The following RPGRIP1L variants were observed in gnomAD, a reference collection of about 807,000 sequenced individuals.
RPGRIP1L encodes RPGRIP1 like, also known as protein fantom.
Under a neutral mutation model 160.4 loss-of-function variants are expected in RPGRIP1L, and 131 were observed. The ratio of observed to expected loss-of-function variants is 0.82; its 90% CI spans 0.71 to 0.94. The LOEUF (loss-of-function observed/expected upper bound fraction) is 0.94, where lower values mean the gene tolerates loss of function less well. Ranked by LOEUF, RPGRIP1L falls within the 40% of genes least tolerant of loss-of-function variation. The pLI is 0.00. For missense variants in RPGRIP1L, 1,522 were observed against 1,535.8 expected, an observed-to-expected ratio of 0.99 and a Z score of 0.15; for synonymous variants, 510 against 515.8, an observed-to-expected ratio of 0.99 and a Z score of 0.15.
chr16:53,694,128 G>A (rs78796530), intron 3 of RPGRIP1L: 7,744 of 152,142 alleles, frequency 0.051, 394 homozygotes, highest in East Asian at 0.3. Context: ...CAAAGTCTGA[G>A]TGCTTATTTA....
At chr16:53,691,774 T>C (rs1970399234) in intron 4 of RPGRIP1L, among the ~76,000 whole-genome samples, 1 of 152,216 alleles carries the variant, frequency 6.6e-6, no homozygotes, top group Non-Finnish European at 1.5e-5. Flanking sequence ...CCCACCTGCC[T>C]GAGTACAGTG....
intron 3 of RPGRIP1L, among the ~76,000 whole-genome samples, chr16:53,693,086 A>T (rs1970496214): frequency 6.6e-6 from 1 of 152,228 alleles, no homozygotes; most frequent in Non-Finnish European, 1.5e-5. Context: ...AGAACAAAAG[A>T]CAGAAAGGGC....
chr16:53,675,060 T>C lies in RPGRIP1L; in HGVS notation c.839A>G (p.Asn280Ser), dbSNP rs1468162484. 6 of 1,611,458 alleles carry C rather than the reference T, an allele frequency of 3.7e-6. No individual in the cohort carries two copies. Among genetic ancestry groups the C allele is most frequent in the Non-Finnish European group, 5.1e-6 (6 of 1,178,798 alleles). ...TTTTCCTTCCATTGCTGAAAGAGCA[T>C]TGCTTTTCTCTACTAGCTGTTTATG... ...KLHKQLVEKS[N>S]ALSAMEGKFI... is the part of the protein sequence containing the mutation. The change falls in exon 7 of 27, where the codon AAT becomes AGT. Residue 280 changes from asparagine (N) to serine (S), a missense_variant. Physicochemically the swap from Asn to Ser is conservative, Grantham distance 46. Coordinates refer to ENST00000647211, the MANE Select transcript of RPGRIP1L (RefSeq NM_015272.5).
At chr16:53,606,951 G>T (rs984078523) in intron 25 of RPGRIP1L, among the ~76,000 whole-genome samples, 1 of 151,986 alleles carries the variant, frequency 6.6e-6, no homozygotes, top group African/African-American at 2.4e-5. Context: ...AATCCTTTAG[G>T]TCAAAATCAA....
intron 6 of RPGRIP1L, among the ~76,000 whole-genome samples, chr16:53,684,846 A>C (rs1176642083): frequency 6.6e-6 from 1 of 152,178 alleles, no homozygotes; most frequent in Admixed American, 6.5e-5. Flanking sequence ...TTGCAGCAAA[A>C]GCAAAATTGA....
intron 22 of RPGRIP1L, among the ~76,000 whole-genome samples, chr16:53,633,245 C>A (rs181727981): frequency 2.0e-5 from 3 of 152,276 alleles, no homozygotes; most frequent in Admixed American, 2.0e-4. Context: ...AACACTTCAA[C>A]CAAAGTTAAC....
At chr16:53,686,647 G>C (rs1345780204) in intron 5 of RPGRIP1L, 71 bp from the exon 6 acceptor site, 1 of 1,510,548 alleles carries the variant, frequency 6.6e-7, no homozygotes. Context: ...TCAGTGCAAA[G>C]AAAGTTCTTC....
At chr16:53,622,468 A>G in intron 22 of RPGRIP1L, 112 bp from the exon 23 acceptor site, 2 of 514,390 alleles carry the variant, frequency 3.9e-6, no homozygotes, top group Non-Finnish European at 6.9e-6. Context: ...CTCTCCCCCA[A>G]TCCTATTCAT....
intron 9 of RPGRIP1L, 46 bp downstream of exon 9, chr16:53,671,464 A>G (rs753053246): frequency 8.3e-7 from 1 of 1,210,896 alleles, no homozygotes; most frequent in East Asian, 2.3e-5. Context: ...TACATATAAA[A>G]GAGCTCAAAC....
intron 15 of RPGRIP1L, among the ~76,000 whole-genome samples, chr16:53,650,380 G>A (rs1013607429): frequency 8.5e-5 from 13 of 152,086 alleles, no homozygotes; most frequent in African/African-American, 2.9e-4. Flanking sequence ...TTAAAAATAA[G>A]TCCTAAAAGA....
intron 4 of RPGRIP1L, among the ~76,000 whole-genome samples, chr16:53,690,532 G>A (rs1214036571): frequency 2.0e-5 from 3 of 152,106 alleles, no homozygotes; most frequent in Non-Finnish European, 2.9e-5. Context: ...GTCTCACTAC[G>A]TCGCCCAGGC....
Position 53,648,948 on chromosome 16 carries a change from A to G in RPGRIP1L, c.2304+16T>C. 6.2e-7 allele frequency: 1 copy of G among 1,611,750 alleles called. No individual in the cohort carries two copies. Among genetic ancestry groups the G allele is most frequent in the Non-Finnish European group, 8.5e-7 (1 of 1,177,866 alleles). On this transcript the variant is annotated intron_variant, in intron 16 of 26. Transcript: ENST00000647211. ...TTTCTATGTCATAAAAGGGTCTTAA[A>G]GCCAAATGAGCTTACCGACTGCATA... is the stretch of plus-strand genomic sequence containing the variant.
Position 53,686,521 on chromosome 16 carries a change from C to G in RPGRIP1L, c.688G>C (p.Glu230Gln). ...CTCCTCAACTGAGTTTTCAGGATCT[C>G]AGCCAAGTGCTCTAACTCCTCTATC... The part of the protein sequence containing the change: ...GQIEELEHLA[E>Q]ILKTQLRRKE... Residue 230 changes from glutamate to glutamine, a missense_variant, in exon 6 of 27, where the codon GAG becomes CAG. By Grantham distance (29) the Glu-to-Gln change is conservative. Transcript: ENST00000647211. 1 of 1,613,692 alleles carries G rather than the reference C, an allele frequency of 6.2e-7. No individual in the cohort carries two copies. The highest frequency in any genetic ancestry group is 8.5e-7 in the Non-Finnish European group (1 of 1,179,770).
chr16:53,669,126 A>G (rs1403077650), intron 9 of RPGRIP1L, among the ~76,000 whole-genome samples: 1 of 152,212 alleles, frequency 6.6e-6, no homozygotes, highest in Non-Finnish European at 1.5e-5. Flanking sequence ...AGTTGTTGGC[A>G]ATAACGAATA....
intron 21 of RPGRIP1L, among the ~76,000 whole-genome samples, chr16:53,637,172 G>T (rs1162008585): frequency 6.6e-6 from 1 of 152,038 alleles, no homozygotes. Flanking sequence ...AAAATTAGAT[G>T]TTTTGACGTA....
chr16:53,703,043 C>T (rs896200374), intron 1 of RPGRIP1L, among the ~76,000 whole-genome samples: 1 of 152,106 alleles, frequency 6.6e-6, no homozygotes, highest in East Asian at 1.9e-4. Context: ...CCGAGACGGG[C>T]GGCTGACTTC....
At chr16:53,642,533 G>T (rs1227012586) in intron 17 of RPGRIP1L, among the ~76,000 whole-genome samples, 2 of 151,748 alleles carry the variant, frequency 1.3e-5, no homozygotes, top group Non-Finnish European at 2.9e-5. Context: ...AAGACTTCCA[G>T]AATGGCTAAG....
intron 10 of RPGRIP1L, among the ~76,000 whole-genome samples, chr16:53,661,325 T>G (rs982437790): frequency 6.6e-6 from 1 of 151,548 alleles, no homozygotes; most frequent in Non-Finnish European, 1.5e-5. Context: ...TATCCAAATG[T>G]GAACAATACT....
chr16:53,667,554 A>G (rs1402569216), intron 9 of RPGRIP1L, among the ~76,000 whole-genome samples: 1 of 152,068 alleles, frequency 6.6e-6, no homozygotes, highest in East Asian at 1.9e-4. Context: ...CCTAGGAAAC[A>G]TAGAGAGATC....
Sources: gnomAD v4.1 joint callset for allele counts (sites outside exome capture counted in the v4.1 genomes callset) on GRCh38, gnomAD v4.1.1 for gene constraint, MANE v1.5 for transcripts, NCBI Gene and HGNC (gene_info 2026-07-23, HGNC 2026-07-21) for gene names.